The following TCAF2 variants were observed in gnomAD, a reference collection of about 807,000 sequenced individuals.
TCAF2 encodes the protein TRPM8 channel-associated factor 2.
Under a neutral mutation model 33.9 loss-of-function variants are expected in TCAF2, and 6 were observed. That is an observed-to-expected ratio of 0.18 (90% CI 0.10 to 0.35). TCAF2 has a LOEUF of 0.35. TCAF2 is among the 10% of genes least tolerant of loss of function. The probability of loss-of-function intolerance (pLI) is 1.00; values close to 1 mark genes in which losing one functional copy is unlikely to be tolerated. For synonymous variants in TCAF2, 41 were observed against 247.8 expected, an observed-to-expected ratio of 0.17 and a Z score of 7.84; for missense variants, 109 against 604.0, an observed-to-expected ratio of 0.18 and a Z score of 8.59.
At chr7:143,707,862 G>A (rs1809266382) in intron 2 of TCAF2, among the ~76,000 whole-genome samples, 1 of 146,870 alleles carries the variant, frequency 6.8e-6, no homozygotes, top group South Asian at 2.1e-4. Context: ...AAGGGTCTAG[G>A]TAGTGTGCTC....
Position 143,730,075 on chromosome 7 carries a change from C to T in TCAF2, c.*2408C>T, listed in dbSNP as rs1809779399. The T allele has an allele frequency of 6.6e-6, 1 of 152,096 alleles. No individual in the cohort carries two copies. Among genetic ancestry groups the T allele is most frequent in the South Asian group, 2.1e-4 (1 of 4,822 alleles). 9.4% of individuals were successfully genotyped at this position (152,096 alleles called of 1,614,324 possible). A position where few individuals can be genotyped will look rare whatever the true frequency, so the allele number is the denominator to read the frequency against. On this transcript the variant is annotated 3_prime_UTR_variant, in exon 8 of 8. Coordinates refer to ENST00000684770, the MANE Select transcript of TCAF2 (RefSeq NM_001363538.2). Reference sequence around the variant, plus strand: ...TAATGCTGCAATAAAAGTATGTGTGCATGTGTCTTTATAGTAGAATGGTTT... The same window carrying T: ...TAATGCTGCAATAAAAGTATGTGTGTATGTGTCTTTATAGTAGAATGGTTT...
In TCAF2 at chr7:143,701,762, C is replaced by CTTTACTTTATTTTAT. The variant is rs1165396537; in HGVS notation, c.-11-1218_-11-1217insCTTTATTTTATTTTA. ...ATATTCTTTGCTTTATTTTATTTTA[C>CTTTACTTTATTTTAT]TTTATTTTATTTTATTTTATTTTAT... On this transcript the variant is annotated intron_variant, in intron 1 of 7. Coordinates refer to ENST00000684770, the MANE Select transcript of TCAF2 (RefSeq NM_001363538.2). Among the ~76,000 whole-genome samples, 30 of 97,390 alleles carry CTTTACTTTATTTTAT rather than the reference C, an allele frequency of 3.1e-4. 1 individual carries two copies. Among genetic ancestry groups the CTTTACTTTATTTTAT allele is most frequent in the South Asian group, 2.7e-3 (9 of 3,354 alleles). The allele number at this position is 97,390 out of a possible 152,430, so 63.9% of individuals were successfully genotyped here.
At chr7:143,726,161 TACTGCTCTCACCTCC>T in intron 7 of TCAF2, among the ~76,000 whole-genome samples, 1 of 151,368 alleles carries the variant, frequency 6.6e-6, no homozygotes, top group South Asian at 2.1e-4. Context: ...CTACATCTCC[TACTGCTCTCACCTCC>T]ACATTTACCC....
chr7:143,720,875 G>A, intron 3 of TCAF2: 1 of 633,396 alleles, frequency 1.6e-6, no homozygotes, highest in Non-Finnish European at 2.3e-6. Flanking sequence ...CACCTCCTGG[G>A]TTTAAGCAAT....
rs187398384 is a variant in TCAF2 at position 143,729,145 on chromosome 7, G to A, written c.*1478G>A. On this transcript the variant is annotated 3_prime_UTR_variant, in exon 8 of 8. Transcript: ENST00000684770. Reference sequence around the variant, plus strand: ...ATAATGAGTGATTAGTATGTTCCAGGCATTGCGTGAGCTATTTACTGTGAG... The same window carrying A: ...ATAATGAGTGATTAGTATGTTCCAGACATTGCGTGAGCTATTTACTGTGAG... The A allele has an allele frequency of 1.3e-5, 2 of 152,262 alleles. No individual in the cohort carries two copies. Among genetic ancestry groups the A allele is most frequent in the Admixed American group, 1.3e-4 (2 of 15,304 alleles). The allele number at this position is 152,262 out of a possible 1,614,324, so 9.4% of individuals were successfully genotyped here. A position where few individuals can be genotyped will look rare whatever the true frequency, so the allele number is the denominator to read the frequency against.
intron 1 of TCAF2, chr7:143,647,320 T>C: frequency 2.7e-6 from 1 of 368,244 alleles, no homozygotes; most frequent in Non-Finnish European, 4.7e-6. Context: ...TTGCAGGCCA[T>C]GCTCCGATAG....
chr7:143,718,443 T>C (rs77062936), intron 2 of TCAF2, among the ~76,000 whole-genome samples: 11 of 151,962 alleles, frequency 7.2e-5, no homozygotes, highest in South Asian at 4.2e-4. Context: ...TTGGCTTATT[T>C]AGAGCATGGT....
At position 143,724,583 on chromosome 7, in the gene TCAF2, G is replaced by A. The variant is rs1188854365; in HGVS notation, c.2391G>A (p.Gln797=). The A allele has an allele frequency of 6.2e-7, 1 of 1,610,880 alleles. No individual in the cohort carries two copies. The highest frequency in any genetic ancestry group is 8.5e-7 in the Non-Finnish European group (1 of 1,179,608). Residue 797 remains glutamine (Q), a synonymous_variant, in exon 7 of 8, where the codon CAG becomes CAA. Transcript: ENST00000684770. ...HETVLGIPRA[Q]AHEALSPPER... ...CAGTCCTGGGGATCCCCAGGGCTCA[G>A]GCCCACGAGGCTCTGAGCCCTCCAG...
intron 1 of TCAF2, among the ~76,000 whole-genome samples, chr7:143,647,925 T>C (rs1331344193): frequency 2.8e-5 from 4 of 143,950 alleles, no homozygotes; most frequent in Non-Finnish European, 4.6e-5. Flanking sequence ...TTTCTTTCTT[T>C]CTTTTTTTAT....
intron 3 of TCAF2, 120 bp downstream of exon 3, chr7:143,720,794 T>G (rs1481715228): frequency 9.8e-7 from 1 of 1,016,460 alleles, no homozygotes; most frequent in African/African-American, 1.9e-5. Context: ...ATTCTTTTTT[T>G]TTTTGAGACA....
chr7:143,724,658 T>C lies in TCAF2; in HGVS notation c.2466T>C (p.Cys822=). The C allele has an allele frequency of 6.2e-7, 1 of 1,609,290 alleles. No homozygotes were observed. The highest frequency in any genetic ancestry group is 8.5e-7 in the Non-Finnish European group (1 of 1,179,040). Reference sequence around the variant, plus strand: ...ACCTGGGAAAGGGAGCCCCCCTGTGTGACTGGAATGTATGGACAGCCCTGG... The same window carrying C: ...ACCTGGGAAAGGGAGCCCCCCTGTGCGACTGGAATGTATGGACAGCCCTGG... ...KAHLGKGAPL[C]DWNVWTALET... The change falls in exon 7 of 8, where the codon TGT becomes TGC. Residue 822 remains cysteine, a synonymous_variant. Transcript: ENST00000684770.
Position 143,728,761 on chromosome 7 carries a change from GC to G in TCAF2, c.*1095del, listed in dbSNP as rs1189788163. The G allele has an allele frequency of 6.6e-6, 1 of 152,210 alleles. No homozygotes were observed. The highest frequency in any genetic ancestry group is 1.5e-5 in the Non-Finnish European group (1 of 68,074). The allele number at this position is 152,210 out of a possible 1,614,324, so 9.4% of individuals were successfully genotyped here. The stretch of plus-strand genomic sequence containing the variant: ...CAACCCACACCCCAGCATCCCCTGA[GC>G]TTTCTCTTAATCTCATTCTAGCCCA... On this transcript the variant is annotated 3_prime_UTR_variant, in exon 8 of 8. Transcript: ENST00000684770.
Position 143,728,190 on chromosome 7 carries a change from T to C in TCAF2, c.*523T>C, listed in dbSNP as rs1295348670. The C allele has an allele frequency of 5.5e-6, 1 of 180,610 alleles. No individual in the cohort carries two copies. The highest frequency in any genetic ancestry group is 2.4e-5 in the African/African-American group (1 of 41,644). The allele number at this position is 180,610 out of a possible 1,614,324, so 11.2% of individuals were successfully genotyped here. ...TGACATGAGGATACAAATCTTTTCC[T>C]CACAAAGCTGTTGTTTGATTTCTCC... On this transcript the variant is annotated 3_prime_UTR_variant, in exon 8 of 8. Transcript: ENST00000684770.
In TCAF2 at chr7:143,724,618, G is replaced by A. The variant is rs137982110; in HGVS notation, c.2426G>A (p.Arg809Lys). The A allele has an allele frequency of 1.9e-6, 3 of 1,610,500 alleles. No homozygotes were observed. The highest frequency in any genetic ancestry group is 1.7e-5 in the Admixed American group (1 of 59,912). ...HEALSPPERE[R>K]RIKAHLGKGA... Reference sequence around the variant, plus strand: ...GCTCTGAGCCCTCCAGAGCGAGAGAGGAGAATCAAGGCCCACCTGGGAAAG... The same window carrying A: ...GCTCTGAGCCCTCCAGAGCGAGAGAAGAGAATCAAGGCCCACCTGGGAAAG... The change falls in exon 7 of 8, where the codon AGG becomes AAG. Residue 809 changes from arginine (R) to lysine (K), a missense_variant. Arg to Lys is a conservative substitution (Grantham distance 26). Coordinates refer to ENST00000684770, the MANE Select transcript of TCAF2 (RefSeq NM_001363538.2).
rs772169981 is a variant in TCAF2 at position 143,720,843 on chromosome 7, C to T, written c.1615+169C>T. The T allele has an allele frequency of 2.7e-5, 24 of 892,638 alleles. 2 individuals are homozygous for T. The highest frequency in any genetic ancestry group is 4.5e-4 in the Middle Eastern group (1 of 2,228). The allele number at this position is 892,638 out of a possible 1,614,324, so 55.3% of individuals were successfully genotyped here. A position where few individuals can be genotyped will look rare whatever the true frequency, so the allele number is the denominator to read the frequency against. On this transcript the variant is annotated intron_variant, in intron 3 of 7. Coordinates refer to ENST00000684770, the MANE Select transcript of TCAF2 (RefSeq NM_001363538.2). ...TCATCCAGGTTGGAATGCAGTGGCGCGATCTCAGCTCATGCAACCTCCACC... is the reference window on the plus strand; with the variant it reads ...TCATCCAGGTTGGAATGCAGTGGCGTGATCTCAGCTCATGCAACCTCCACC...
intron 1 of TCAF2, among the ~76,000 whole-genome samples, chr7:143,634,824 A>G (rs1173518350): frequency 5.6e-5 from 6 of 108,084 alleles, no homozygotes; most frequent in Non-Finnish European, 1.2e-4. Flanking sequence ...CAATGCCCAT[A>G]TTGTTCAGTG....
chr7:143,720,968 G>A, intron 3 of TCAF2: 1 of 318,682 alleles, frequency 3.1e-6, no homozygotes, highest in Non-Finnish European at 5.6e-6. Context: ...TTAGTAGAGA[G>A]GGAGTTTCAC....
At chr7:143,701,762 CTTTATTTTATTTTATTTTAT>C (rs796928755) in intron 1 of TCAF2, among the ~76,000 whole-genome samples, 2 of 97,384 alleles carry the variant, frequency 2.1e-5, no homozygotes, top group African/African-American at 4.3e-5. Context: ...TTTTATTTTA[CTTTATTTTATTTTATTTTAT>C]TTTATTTTAT....
At chr7:143,648,126 C>G (rs1019974298) in intron 1 of TCAF2, among the ~76,000 whole-genome samples, 4 of 103,502 alleles carry the variant, frequency 3.9e-5, no homozygotes, top group Non-Finnish European at 8.4e-5. Context: ...ACCATGCTGG[C>G]CAGGATGGTC....
Sources: gnomAD v4.1 joint callset for allele counts (sites outside exome capture counted in the v4.1 genomes callset) on GRCh38, gnomAD v4.1.1 for gene constraint, MANE v1.5 for transcripts, NCBI Gene and HGNC (gene_info 2026-07-23, HGNC 2026-07-21) for gene names.